The following PNPT1 variants were observed in gnomAD, a reference collection of about 807,000 sequenced individuals.
PNPT1 encodes polyribonucleotide nucleotidyltransferase 1, also known as polyribonucleotide nucleotidyltransferase 1, mitochondrial.
In PNPT1, 53 loss-of-function variants were observed where a neutral mutation model predicts 119.5. That is an observed-to-expected ratio of 0.44 (90% CI 0.36 to 0.56). The LOEUF is 0.56. Ranked by LOEUF, PNPT1 falls within the 20% of genes least tolerant of loss-of-function variation. PNPT1 has a pLI of 0.00. For synonymous variants in PNPT1, 357 were observed against 322.1 expected, an observed-to-expected ratio of 1.11 and a Z score of -1.16; for missense variants, 948 against 938.5, an observed-to-expected ratio of 1.01 and a Z score of -0.13.
chr2:55,664,447 T>C (rs1277915850), intron 13 of PNPT1, among the ~76,000 whole-genome samples: 1 of 152,180 alleles, frequency 6.6e-6, no homozygotes, highest in Non-Finnish European at 1.5e-5. Context: ...ACAAAAATTT[T>C]TTACAATATA....
intron 18 of PNPT1, among the ~76,000 whole-genome samples, 178 bp downstream of exon 18, chr2:55,654,722 G>C (rs974120360): frequency 6.6e-6 from 1 of 152,082 alleles, no homozygotes; most frequent in Non-Finnish European, 1.5e-5. Context: ...TAACAGGTGT[G>C]TATAAAAGGT....
rs779991123 is a variant in PNPT1 at position 55,667,940 on chromosome 2, T to G, written c.995A>C (p.Asp332Ala). Reference sequence around the variant, plus strand: ...GAAGGATTCTATTATTTCATATGGATCGGCTTCTGGAAATTTTTCTATAGA... The same window carrying G: ...GAAGGATTCTATTATTTCATATGGAGCGGCTTCTGGAAATTTTTCTATAGA... The part of the protein sequence containing the change: ...EQLKEKFPEA[D>A]PYEIIESFNV... The change falls in exon 12 of 28, where the codon GAT becomes GCT. Residue 332 changes from aspartate to alanine, a missense_variant. Physicochemically the swap from Asp to Ala is moderately radical, Grantham distance 126 (BLOSUM62 -2). Transcript: ENST00000447944. 4 of 1,578,686 alleles carry G rather than the reference T, an allele frequency of 2.5e-6. No homozygotes were observed. Among genetic ancestry groups the G allele is most frequent in the Non-Finnish European group, 3.4e-6 (4 of 1,171,362 alleles).
rs575353159 is a variant in PNPT1 at position 55,638,066 on chromosome 2, C to G, written c.2149-467G>C. ...GCTGTAATCCCAGAACTTTGGGAGG[C>G]TGGGGCAGGCAGATCACTTGAGCTC... On this transcript the variant is annotated intron_variant, in intron 26 of 27. Transcript: ENST00000447944. Among the ~76,000 whole-genome samples the G allele has an allele frequency of 1.8e-4, 27 of 150,948 alleles. 1 individual carries two copies. The highest frequency in any genetic ancestry group is 5.3e-4 in the African/African-American group (22 of 41,164).
intron 12 of PNPT1, 106 bp downstream of exon 12, chr2:55,667,756 C>A: frequency 7.4e-7 from 1 of 1,353,034 alleles, no homozygotes; most frequent in Non-Finnish European, 9.9e-7. Flanking sequence ...TAATTCTTTA[C>A]TGTTCACTTG....
intron 26 of PNPT1, among the ~76,000 whole-genome samples, chr2:55,639,235 G>A (rs892094338): frequency 2.6e-5 from 4 of 152,128 alleles, no homozygotes; most frequent in Non-Finnish European, 5.9e-5. Flanking sequence ...TGAGGGTTTA[G>A]TGTATCATTC....
intron 2 of PNPT1, among the ~76,000 whole-genome samples, 161 bp downstream of exon 2, chr2:55,687,484 G>C (rs1227539977): frequency 6.6e-6 from 1 of 151,948 alleles, no homozygotes; most frequent in East Asian, 1.9e-4. Flanking sequence ...TCTGGACTCT[G>C]GTTGTCTGGA....
At chr2:55,638,702 T>A (rs1261787426) in intron 26 of PNPT1, among the ~76,000 whole-genome samples, 1 of 152,176 alleles carries the variant, frequency 6.6e-6, no homozygotes, top group African/African-American at 2.4e-5. Flanking sequence ...GAGTATCCCT[T>A]CAGATGTCTA....
At chr2:55,676,326 TGAA>T (rs1346230143) in intron 8 of PNPT1, among the ~76,000 whole-genome samples, 1 of 149,318 alleles carries the variant, frequency 6.7e-6, no homozygotes, top group African/African-American at 2.5e-5. Flanking sequence ...CAGTTGAAGA[TGAA>T]GGAGTTTTGA....
At chr2:55,655,609 C>T (rs574445928) in intron 17 of PNPT1, among the ~76,000 whole-genome samples, 1 of 152,298 alleles carries the variant, frequency 6.6e-6, no homozygotes, top group African/African-American at 2.4e-5. Flanking sequence ...TCTGAGTTTA[C>T]CTTGGTATTT....
chr2:55,685,449 G>C (rs1023562280), intron 3 of PNPT1, among the ~76,000 whole-genome samples: 1 of 152,062 alleles, frequency 6.6e-6, no homozygotes, highest in Admixed American at 6.6e-5. Flanking sequence ...GATTGCTTAA[G>C]CCCAGGAGTT....
At chr2:55,650,383 G>GATCCGCTAGCCTCGGCATCCTGAGGGGC (rs1559091207) in intron 18 of PNPT1, among the ~76,000 whole-genome samples, 1 of 152,204 alleles carries the variant, frequency 6.6e-6, no homozygotes, top group East Asian at 1.9e-4. Context: ...AACTGCGAGT[G>GATCCGCTAGCCTCGGCATCCTGAGGGGC]ATCCGCTAGC....
Position 55,647,385 on chromosome 2 carries a change from C to T in PNPT1, c.1564G>A (p.Gly522Ser). 6.2e-7 allele frequency: 1 copy of T among 1,609,360 alleles called. No individual in the cohort carries two copies. Residue 522 changes from glycine (G) to serine (S), a missense_variant, in exon 19 of 28, where the codon GGT (glycine) becomes AGT (serine). Gly to Ser is a moderately conservative substitution (Grantham distance 56). Transcript: ENST00000447944. ...GLVTKTDPEK[G>S]EIEDYRLLTD... Reference sequence around the variant, plus strand: ...AGCAAACGATAATCTTCTATTTCACCCTTCTCAGGATCGGTTTTGGTGACC... The same window carrying T: ...AGCAAACGATAATCTTCTATTTCACTCTTCTCAGGATCGGTTTTGGTGACC...
In PNPT1 at chr2:55,686,397, AG is replaced by A; in HGVS notation, c.269del (p.Pro90LeufsTer28). On this transcript the variant is annotated frameshift_variant, in exon 3 of 28. Coordinates refer to ENST00000447944, the MANE Select transcript of PNPT1 (RefSeq NM_033109.5). LOFTEE classifies it high-confidence loss of function. ...CCAAAGGCATAAACTGGGAAGGGGA[AG>A]GTTTTGTTTTACTGACCGCTGTGAC... ...VMVTAVSKTK[P>X]SPSQFMPLVV... The A allele has an allele frequency of 6.2e-7, 1 of 1,613,794 alleles. No homozygotes were observed. Among genetic ancestry groups the A allele is most frequent in the Non-Finnish European group, 8.5e-7 (1 of 1,179,722 alleles).
chr2:55,676,157 G>C (rs1054291163), intron 8 of PNPT1, among the ~76,000 whole-genome samples: 1 of 151,438 alleles, frequency 6.6e-6, no homozygotes, highest in Non-Finnish European at 1.5e-5. Context: ...CTACTTGGGA[G>C]GCCGAGTCAA....
At chr2:55,647,082 G>A (rs1696027557) in intron 19 of PNPT1, among the ~76,000 whole-genome samples, 1 of 151,890 alleles carries the variant, frequency 6.6e-6, no homozygotes, top group Non-Finnish European at 1.5e-5. Context: ...CAAAGTGCTG[G>A]GATTACAGGC....
At chr2:55,679,845 T>G in intron 7 of PNPT1, 50 bp from the exon 8 acceptor site, 1 of 1,274,830 alleles carries the variant, frequency 7.8e-7, no homozygotes, top group Non-Finnish European at 1.1e-6. Context: ...TACCCAGTTT[T>G]CAAGACATTA....
Position 55,645,493 on chromosome 2 carries a change from A to T in PNPT1, c.1739-61T>A. On this transcript the variant is annotated intron_variant, in intron 21 of 27. Coordinates refer to ENST00000447944, the MANE Select transcript of PNPT1 (RefSeq NM_033109.5). ...AAACAAATATGATCTGAAATACTGTACTCTTAGTTTTCACGGTATACAATC... is the reference window on the plus strand; with the variant it reads ...AAACAAATATGATCTGAAATACTGTTCTCTTAGTTTTCACGGTATACAATC... 3 of 1,110,094 alleles carry T rather than the reference A, an allele frequency of 2.7e-6. No individual in the cohort carries two copies. The Admixed American group carries it at 5.7e-5, about 21-fold the overall frequency. The allele number at this position is 1,110,094 out of a possible 1,614,324, so 68.8% of individuals were successfully genotyped here. A position where few individuals can be genotyped will look rare whatever the true frequency, so the allele number is the denominator to read the frequency against.
At chr2:55,670,943 CATTT>C (rs1407586029) in intron 11 of PNPT1, among the ~76,000 whole-genome samples, 1 of 148,512 alleles carries the variant, frequency 6.7e-6, no homozygotes, top group African/African-American at 2.5e-5. Flanking sequence ...ATGAGAGTAA[CATTT>C]ATTTGAGATC....
chr2:55,645,022 ATTTTTTTTTT>A (rs528402444), intron 22 of PNPT1: 1 of 178,016 alleles, frequency 5.6e-6, no homozygotes, highest in East Asian at 1.4e-4. Context: ...GATCACTAAA[ATTTTTTTTTT>A]TTTTTTTTTG....
Sources: allele counts gnomAD v4.1 joint callset (sites outside exome capture counted in the v4.1 genomes callset), GRCh38; gene constraint gnomAD v4.1.1; transcripts MANE v1.5; gene names NCBI Gene and HGNC (gene_info 2026-07-23, HGNC 2026-07-21).